TRIM29: variants seen among roughly 807,000 people sequenced by gnomAD.
TRIM29 encodes tripartite motif containing 29.
In TRIM29, 52 loss-of-function variants were observed where a neutral mutation model predicts 57.3. The ratio of observed to expected loss-of-function variants is 0.91; its 90% CI spans 0.73 to 1.14. The LOEUF (loss-of-function observed/expected upper bound fraction) is 1.14, where lower values mean the gene tolerates loss of function less well. TRIM29 is among the 50% of genes most tolerant of loss of function. The pLI is 0.00. For synonymous variants in TRIM29, 319 were observed against 316.9 expected, an observed-to-expected ratio of 1.01 and a Z score of -0.07; for missense variants, 753 against 774.6, an observed-to-expected ratio of 0.97 and a Z score of 0.33.
intron 1 of TRIM29, among the ~76,000 whole-genome samples, chr11:120,131,633 TTGGAGTTCCCA>T (rs1335310760): frequency 6.6e-6 from 1 of 151,450 alleles, no homozygotes; most frequent in Non-Finnish European, 1.5e-5. Context: ...CAGCAGGCTC[TTGGAGTTCCCA>T]TGGACTGGGA....
intron 5 of TRIM29, among the ~76,000 whole-genome samples, chr11:120,122,350 C>G (rs939417964): frequency 2.0e-5 from 3 of 152,080 alleles, no homozygotes; most frequent in African/African-American, 7.2e-5. Flanking sequence ...TTGCTGGCGC[C>G]CAAGAATGTG....
Position 120,137,230 on chromosome 11 carries a change from C to T in TRIM29, c.802G>A (p.Glu268Lys). The change falls in exon 1 of 9, where the codon GAG (glutamate) becomes AAG (lysine). Residue 268 changes from glutamate to lysine, a missense_variant and splice_region_variant. Glu to Lys is a moderately conservative substitution (Grantham distance 56). Transcript: ENST00000341846. The surrounding 1 kb of genome is among the most constrained non-coding windows in gnomAD (Gnocchi z 6.2). ...VTVEEAKAEK[E>K]TELSLQKEQL... ...GCAGGAGGGGCCCCAGCACTTACCT[C>T]CTTCTCGGCCTTGGCCTCCTCCACT... The T allele has an allele frequency of 6.2e-7, 1 of 1,613,994 alleles. No homozygotes were observed. Among genetic ancestry groups the T allele is most frequent in the Non-Finnish European group, 8.5e-7 (1 of 1,179,950 alleles).
chr11:120,130,212 AAGAGAGTG>A lies in TRIM29; in HGVS notation c.805-1725_805-1718del, dbSNP rs1863691039. ...AGATCTGAGCTGTGAGGAAGAGTCC[AAGAGAGTG>A]GACTGGGGGTCTGTCCGAAGCACCT... is the stretch of plus-strand genomic sequence containing the variant. On this transcript the variant is annotated intron_variant, in intron 1 of 8. Transcript: ENST00000341846. 5.3e-5 allele frequency among the ~76,000 whole-genome samples: 8 copies of A among 152,252 alleles called. No homozygotes were observed. The South Asian group carries it at 1.7e-3, about 32-fold the overall frequency.
intron 8 of TRIM29, among the ~76,000 whole-genome samples, chr11:120,112,967 GTCACT>G (rs1863172072): frequency 6.6e-6 from 1 of 152,146 alleles, no homozygotes; most frequent in Non-Finnish European, 1.5e-5. Context: ...CTTGCCCAAG[GTCACT>G]CAGCTGGTAA....
chr11:120,112,172 G>A lies in TRIM29; in HGVS notation c.*242C>T. On this transcript the variant is annotated 3_prime_UTR_variant, in exon 9 of 9. Transcript: ENST00000341846. ...TCACCCCTGTGATGGGTTGGCCTCT[G>A]AGCACAGGAATGATGGTGACCATCT... 1 of 486,682 alleles carries A rather than the reference G, an allele frequency of 2.1e-6. No individual in the cohort carries two copies. The highest frequency in any genetic ancestry group is 3.7e-6 in the Non-Finnish European group (1 of 269,830). 30.1% of individuals were successfully genotyped at this position (486,682 alleles called of 1,614,324 possible). A position where few individuals can be genotyped will look rare whatever the true frequency, so the allele number is the denominator to read the frequency against.
chr11:120,123,128 G>A (rs770237982), intron 4 of TRIM29, 73 bp from the exon 5 acceptor site: 62 of 1,260,412 alleles, frequency 4.9e-5, no homozygotes, highest in Non-Finnish European at 6.4e-5. Context: ...GACTTTTGGG[G>A]CTCAGATGAG....
rs1002419594 is a variant in TRIM29, at chr11:120,118,409, C to T, written c.1529-88G>A. 501 of 1,001,860 alleles carry T rather than the reference C, an allele frequency of 5.0e-4. 3 individuals carry two copies. The highest frequency in any genetic ancestry group is 1.5e-4 in the Non-Finnish European group (103 of 681,976). The allele number at this position is 1,001,860 out of a possible 1,614,324, so 62.1% of individuals were successfully genotyped here. On this transcript the variant is annotated intron_variant, in intron 6 of 8. Coordinates refer to ENST00000341846, the MANE Select transcript of TRIM29 (RefSeq NM_012101.4). ...AGGACACAGCCAGGTCTATGACTCT[C>T]TAGCCGCTGGCCACAACTTAAGCCA...
chr11:120,132,821 C>T (rs750648289), intron 1 of TRIM29, among the ~76,000 whole-genome samples: 11 of 152,196 alleles, frequency 7.2e-5, no homozygotes, highest in African/African-American at 2.7e-4. Context: ...CATTTCCACT[C>T]GGACGTAAAA....
intron 4 of TRIM29, chr11:120,124,414 G>A (rs1863535409): frequency 6.6e-6 from 1 of 152,430 alleles, no homozygotes; most frequent in South Asian, 2.1e-4. Context: ...CAGCTTCTCA[G>A]ATGAGAGGGC....
In TRIM29 at chr11:120,138,113, T is replaced by G. The variant is rs975976088; in HGVS notation, c.-82A>C. ...TTCTGGCAGGCGTCTCGGCAGGGAG[T>G]GGGGCAGGCAACCACGAGGACTAGA... On this transcript the variant is annotated 5_prime_UTR_variant, in exon 1 of 9. Coordinates refer to ENST00000341846, the MANE Select transcript of TRIM29 (RefSeq NM_012101.4). The G allele has an allele frequency of 1.5e-6, 2 of 1,303,642 alleles. No individual in the cohort carries two copies. Among genetic ancestry groups the G allele is most frequent in the African/African-American group, 1.6e-5 (1 of 61,020 alleles). 80.8% of individuals were successfully genotyped at this position (1,303,642 alleles called of 1,614,324 possible).
intron 1 of TRIM29, among the ~76,000 whole-genome samples, chr11:120,130,503 G>C (rs1301979705): frequency 6.6e-6 from 1 of 152,220 alleles, no homozygotes; most frequent in African/African-American, 2.4e-5. Flanking sequence ...AATGAGCAAT[G>C]GTGGGCTCAG....
At chr11:120,123,721 A>G (rs183963941) in intron 4 of TRIM29, 48 of 341,394 alleles carry the variant, frequency 1.4e-4, no homozygotes, top group Non-Finnish European at 2.3e-4. Context: ...CCCGTCTTCT[A>G]CTTTCCCTGT....
chr11:120,121,875 C>T (rs1340247751), intron 5 of TRIM29: 9 of 410,030 alleles, frequency 2.2e-5, no homozygotes, highest in Admixed American at 1.1e-4. Context: ...AGGGCCAGGG[C>T]GAGGCCAGGT....
rs763157409 is a variant in TRIM29, at chr11:120,118,257, G to T, written c.1593C>A (p.Pro531=). 6.2e-7 allele frequency: 1 copy of T among 1,614,008 alleles called. No individual in the cohort carries two copies. The highest frequency in any genetic ancestry group is 8.5e-7 in the Non-Finnish European group (1 of 1,179,960). Residue 531 remains proline, a synonymous_variant, in exon 7 of 9, where the codon CCC becomes CCA. Transcript: ENST00000341846. ...SSIQNSDNDL[P]VVQGSSSFSL... Reference sequence around the variant, plus strand: ...AGAAGGAGGAGCTGCCTTGGACGACGGGCAGGTCATTGTCAGAGTTCTGAA... The same window carrying T: ...AGAAGGAGGAGCTGCCTTGGACGACTGGCAGGTCATTGTCAGAGTTCTGAA...
intron 1 of TRIM29, among the ~76,000 whole-genome samples, chr11:120,131,651 G>C (rs1863725224): frequency 6.6e-6 from 1 of 151,398 alleles, no homozygotes; most frequent in African/African-American, 2.4e-5. Flanking sequence ...CCCATGGACT[G>C]GGAACTCTGT....
Position 120,126,325 on chromosome 11 carries a change from C to T in TRIM29, c.1135-436G>A, listed in dbSNP as rs138337096. ...CTGAATCTCAGCTCACTGCAACCTC[C>T]GTCTTTTGGGTTCAAGCAATTCTCC... On this transcript the variant is annotated intron_variant, in intron 3 of 8. Coordinates refer to ENST00000341846, the MANE Select transcript of TRIM29 (RefSeq NM_012101.4). 3.9e-3 allele frequency: 614 copies of T among 155,976 alleles called. 4 individuals carry two copies. Among genetic ancestry groups the T allele is most frequent in the African/African-American group, 0.012 (510 of 41,564 alleles). 9.7% of individuals were successfully genotyped at this position (155,976 alleles called of 1,614,324 possible).
chr11:120,130,856 G>T lies in TRIM29; in HGVS notation c.805-2361C>A, dbSNP rs575926744. Among the ~76,000 whole-genome samples the T allele has an allele frequency of 5.9e-5, 9 of 152,304 alleles. No homozygotes were observed. The East Asian group carries it at 1.7e-3, about 29-fold the overall frequency. On this transcript the variant is annotated intron_variant, in intron 1 of 8. Coordinates refer to ENST00000341846, the MANE Select transcript of TRIM29 (RefSeq NM_012101.4). ...GTGAGGAGCACAGCAGATGTGGTCA[G>T]GTGAGGGGTTGGTGGTGTTCAGTGG...
chr11:120,123,940 G>A (rs1863523262), intron 4 of TRIM29: 1 of 171,592 alleles, frequency 5.8e-6, no homozygotes, highest in African/African-American at 2.4e-5. Context: ...CTTTGAGGGT[G>A]TGGACGAGTC....
rs1863152047 is a variant in TRIM29 at position 120,112,265 on chromosome 11, T to G, written c.*149A>C. The G allele has an allele frequency of 1.7e-5, 14 of 837,772 alleles. No homozygotes were observed. The highest frequency in any genetic ancestry group is 2.6e-5 in the Non-Finnish European group (14 of 536,444). The allele number at this position is 837,772 out of a possible 1,614,324, so 51.9% of individuals were successfully genotyped here. A position where few individuals can be genotyped will look rare whatever the true frequency, so the allele number is the denominator to read the frequency against. The stretch of plus-strand genomic sequence containing the variant: ...GTGGGGAAGTCGGAGAGGCCGGAAC[T>G]GCCCCCAAGAGGCTGGCAGAGGGCT... On this transcript the variant is annotated 3_prime_UTR_variant, in exon 9 of 9. Coordinates refer to ENST00000341846, the MANE Select transcript of TRIM29 (RefSeq NM_012101.4).
Sources: allele counts gnomAD v4.1 joint callset (sites outside exome capture counted in the v4.1 genomes callset), GRCh38; gene constraint gnomAD v4.1.1; non-coding constraint Gnocchi (gnomAD v3.1); transcripts MANE v1.5; gene names NCBI Gene and HGNC (gene_info 2026-07-23, HGNC 2026-07-21).